CNTN5: variants seen among roughly 807,000 people sequenced by gnomAD.
The protein encoded by CNTN5 is contactin-5.
A neutral mutation model predicts 129.1 loss-of-function variants in CNTN5; 77 were observed. The ratio of observed to expected loss-of-function variants is 0.60; its 90% CI spans 0.50 to 0.72. The LOEUF (loss-of-function observed/expected upper bound fraction) is 0.72, where lower values mean the gene tolerates loss of function less well. Among genes scored for constraint, CNTN5 ranks in the 30% least tolerant of loss-of-function variants. CNTN5 has a pLI of 0.00. For missense variants in CNTN5, 1,478 were observed against 1,328.8 expected, an observed-to-expected ratio of 1.11 and a Z score of -1.75; for synonymous variants, 509 against 465.6, an observed-to-expected ratio of 1.09 and a Z score of -1.20.
chr11:99,684,756 T>C lies in CNTN5; in HGVS notation c.55+128487T>C, dbSNP rs191003738. 2.9e-3 allele frequency among the ~76,000 whole-genome samples: 439 copies of C among 151,956 alleles called. 5 individuals are homozygous for C. Among genetic ancestry groups the C allele is most frequent in the African/African-American group, 9.0e-3 (374 of 41,510 alleles). On this transcript the variant is annotated intron_variant, in intron 3 of 24. Coordinates refer to ENST00000524871, the MANE Select transcript of CNTN5 (RefSeq NM_014361.4). ...TTCGTATGTCTTGTCATAAAACTAT[T>C]AATATCCTTTCCTGTTATTTCATAT...
chr11:99,725,712 A>G (rs1009927304), intron 3 of CNTN5, among the ~76,000 whole-genome samples: 1 of 152,192 alleles, frequency 6.6e-6, no homozygotes, highest in Non-Finnish European at 1.5e-5. Context: ...CCTGTAGTGT[A>G]TCTGCATGTC....
intron 9 of CNTN5, among the ~76,000 whole-genome samples, chr11:100,013,847 T>C (rs1336888179): frequency 5.3e-5 from 8 of 152,226 alleles, no homozygotes; most frequent in Non-Finnish European, 1.2e-4. Flanking sequence ...GATCTCATTC[T>C]ATCTCATATG....
chr11:99,926,827 T>C (rs1193436027), intron 7 of CNTN5, among the ~76,000 whole-genome samples: 1 of 152,130 alleles, frequency 6.6e-6, no homozygotes, highest in African/African-American at 2.4e-5. Flanking sequence ...ATAATTTTGC[T>C]TTATTGATTG....
chr11:99,556,595 C>G (rs1247859507), intron 3 of CNTN5, among the ~76,000 whole-genome samples: 1 of 60,242 alleles, frequency 1.7e-5, no homozygotes, highest in Non-Finnish European at 3.9e-5. Flanking sequence ...ATATATATAT[C>G]TCCCACACAT....
chr11:99,924,786 A>G (rs1950022896), intron 7 of CNTN5, among the ~76,000 whole-genome samples: 1 of 152,172 alleles, frequency 6.6e-6, no homozygotes, highest in Non-Finnish European at 1.5e-5. Flanking sequence ...TTTCAAAATT[A>G]TATGTAAAAT....
chr11:100,337,454 T>A (rs1952059169), intron 21 of CNTN5: 1 of 749,186 alleles, frequency 1.3e-6, no homozygotes, highest in Admixed American at 1.7e-5. Flanking sequence ...AGGTGTTGAA[T>A]GTGATTAAGT....
intron 2 of CNTN5, among the ~76,000 whole-genome samples, chr11:99,505,590 A>G (rs1432330513): frequency 6.6e-6 from 1 of 152,226 alleles, no homozygotes; most frequent in Non-Finnish European, 1.5e-5. Flanking sequence ...AGATAAATCC[A>G]GCCTTTGGGA....
At chr11:100,039,245 T>C (rs1942231184) in intron 9 of CNTN5, among the ~76,000 whole-genome samples, 1 of 152,208 alleles carries the variant, frequency 6.6e-6, no homozygotes, top group Admixed American at 6.5e-5. Flanking sequence ...TTTGGCTGGA[T>C]ATGAAATTCT....
chr11:99,970,902 T>G (rs1951232821), intron 8 of CNTN5, among the ~76,000 whole-genome samples: 1 of 152,188 alleles, frequency 6.6e-6, no homozygotes, highest in Non-Finnish European at 1.5e-5. Flanking sequence ...CTCACAGTTT[T>G]CTGACTCCAT....
At chr11:99,768,682 T>C (rs1232373000) in intron 3 of CNTN5, among the ~76,000 whole-genome samples, 5 of 152,108 alleles carry the variant, frequency 3.3e-5, no homozygotes, top group Admixed American at 1.3e-4. Context: ...CAGACAATGA[T>C]ACACACTTCC....
At chr11:99,308,520 C>T (rs1222725233) in intron 1 of CNTN5, among the ~76,000 whole-genome samples, 1 of 151,798 alleles carries the variant, frequency 6.6e-6, no homozygotes, top group Non-Finnish European at 1.5e-5. Flanking sequence ...GCTAGGGATA[C>T]TATAAAATTG....
At chr11:99,732,373 A>G (rs1943563788) in intron 3 of CNTN5, among the ~76,000 whole-genome samples, 1 of 149,990 alleles carries the variant, frequency 6.7e-6, no homozygotes, top group African/African-American at 2.4e-5. Flanking sequence ...GCAGAAATAC[A>G]TTTTAAAAAC....
intron 3 of CNTN5, among the ~76,000 whole-genome samples, chr11:99,736,561 G>A (rs1035912828): frequency 4.6e-5 from 7 of 152,236 alleles, no homozygotes; most frequent in East Asian, 3.9e-4. Flanking sequence ...ATCTATCTCT[G>A]TAACATATAG....
intron 2 of CNTN5, among the ~76,000 whole-genome samples, chr11:99,431,117 T>C (rs1943351229): frequency 6.6e-6 from 1 of 151,488 alleles, no homozygotes; most frequent in African/African-American, 2.4e-5. Context: ...TCAGGTAGAG[T>C]TGGTCAAATC....
chr11:99,694,808 G>A (rs983656610), intron 3 of CNTN5, among the ~76,000 whole-genome samples: 4 of 151,960 alleles, frequency 2.6e-5, no homozygotes, highest in Admixed American at 1.3e-4. Flanking sequence ...CACTTTGTAA[G>A]TATCTAATAT....
intron 1 of CNTN5, among the ~76,000 whole-genome samples, chr11:99,037,105 T>G (rs1408315673): frequency 6.6e-6 from 1 of 152,216 alleles, no homozygotes; most frequent in African/African-American, 2.4e-5. Context: ...GAAGATAATT[T>G]TATCTTCTTC....
At chr11:99,468,703 G>A (rs148164492) in intron 2 of CNTN5, among the ~76,000 whole-genome samples, 63 of 150,332 alleles carry the variant, frequency 4.2e-4, no homozygotes, top group African/African-American at 1.5e-3. Flanking sequence ...AGATTTCAAA[G>A]AGGCTGCATT....
At chr11:99,276,791 C>A (rs965859166) in intron 1 of CNTN5, among the ~76,000 whole-genome samples, 30 of 151,358 alleles carry the variant, frequency 2.0e-4, no homozygotes, top group Admixed American at 2.6e-4. Context: ...TTAAGGGCTA[C>A]TATTTCTATC....
intron 2 of CNTN5, among the ~76,000 whole-genome samples, chr11:99,426,022 A>G (rs1487240028): frequency 6.6e-6 from 1 of 152,250 alleles, no homozygotes; most frequent in African/African-American, 2.4e-5. Flanking sequence ...ACTAAGAAAT[A>G]ACAGAATCAC....
Sources: allele counts gnomAD v4.1 joint callset (sites outside exome capture counted in the v4.1 genomes callset), GRCh38; gene constraint gnomAD v4.1.1; transcripts MANE v1.5; gene names NCBI Gene and HGNC (gene_info 2026-07-23, HGNC 2026-07-21).